CA10: variants seen among roughly 807,000 people sequenced by gnomAD.
The protein encoded by CA10 is carbonic anhydrase 10 (inactive).
In CA10, 14 loss-of-function variants were observed where a neutral mutation model predicts 44.2. The ratio of observed to expected loss-of-function variants is 0.32; its 90% CI spans 0.21 to 0.50. The LOEUF is 0.50. Among genes scored for constraint, CA10 ranks in the 20% least tolerant of loss-of-function variants. The pLI, the probability that CA10 is intolerant of heterozygous loss-of-function variation, is 0.99. For missense variants in CA10, 350 were observed against 409.7 expected (o/e 0.85, Z 1.26); for synonymous variants, 159 against 141.6 (o/e 1.12, Z -0.87).
At chr17:51,966,331 T>C (rs1041955230) in intron 2 of CA10, among the ~76,000 whole-genome samples, 1 of 151,802 alleles carries the variant, frequency 6.6e-6, no homozygotes, top group Admixed American at 6.6e-5. Flanking sequence ...CTACCAATGT[T>C]ATTTTTCACA....
At chr17:52,015,537 A>C (rs1478133627) in intron 2 of CA10, among the ~76,000 whole-genome samples, 1 of 152,116 alleles carries the variant, frequency 6.6e-6, no homozygotes, top group Non-Finnish European at 1.5e-5. Context: ...ATCCAAATTG[A>C]AAACTAAGGC....
rs534289891 is a variant in CA10 at position 51,837,357 on chromosome 17, C to T, written c.280-89539G>A. 7.2e-5 allele frequency among the ~76,000 whole-genome samples: 11 copies of T among 152,168 alleles called. No individual in the cohort carries two copies. The East Asian group carries it at 9.7e-4, about 13-fold the overall frequency. The stretch of plus-strand genomic sequence containing the variant: ...CTTCTACCAATTACAGTGGGGATGA[C>T]GTGAGGGCTGACATTTCTGAAGGTC... On this transcript the variant is annotated intron_variant, in intron 3 of 8. Transcript: ENST00000451037.
chr17:51,920,066 A>T (rs1048830792), intron 3 of CA10, among the ~76,000 whole-genome samples: 2 of 152,230 alleles, frequency 1.3e-5, no homozygotes, highest in South Asian at 4.1e-4. Context: ...GTAGGAATTC[A>T]TCTGCCTATA....
At chr17:51,849,145 T>TTATATATATACATATATGTG (rs1978630015) in intron 3 of CA10, among the ~76,000 whole-genome samples, 1 of 127,946 alleles carries the variant, frequency 7.8e-6, no homozygotes, top group African/African-American at 2.8e-5. Context: ...ACTTAGTTTT[T>TTATATATATACATATATGTG]TATATATATA....
chr17:51,911,638 G>A (rs756422018), intron 3 of CA10, among the ~76,000 whole-genome samples: 10 of 152,140 alleles, frequency 6.6e-5, no homozygotes, highest in Non-Finnish European at 1.0e-4. Context: ...GCTACAGAAG[G>A]AGTCTGAAAA....
intron 4 of CA10, among the ~76,000 whole-genome samples, chr17:51,737,070 C>A (rs759366049): frequency 6.6e-6 from 1 of 152,122 alleles, no homozygotes; most frequent in Non-Finnish European, 1.5e-5. Flanking sequence ...TGGACTTACC[C>A]AGGATCAAGC....
chr17:51,941,060 G>A (rs774664976), intron 2 of CA10, among the ~76,000 whole-genome samples: 45 of 152,128 alleles, frequency 3.0e-4, no homozygotes, highest in Non-Finnish European at 6.2e-4. Flanking sequence ...ATGGGTACTA[G>A]TTTTCCCATT....
At chr17:51,763,726 T>G (rs537646563) in intron 3 of CA10, among the ~76,000 whole-genome samples, 1 of 152,116 alleles carries the variant, frequency 6.6e-6, no homozygotes, top group East Asian at 1.9e-4. Flanking sequence ...TTTCATGAGT[T>G]CCTTTCAGTT....
At chr17:51,836,162 G>A (rs1341341670) in intron 3 of CA10, among the ~76,000 whole-genome samples, 1 of 152,298 alleles carries the variant, frequency 6.6e-6, no homozygotes, top group East Asian at 1.9e-4. Flanking sequence ...GACTGGGAAG[G>A]GACTGAGAAG....
intron 1 of CA10, among the ~76,000 whole-genome samples, chr17:52,101,098 G>T (rs978511726): frequency 1.3e-5 from 2 of 152,160 alleles, no homozygotes; most frequent in Admixed American, 1.3e-4. Context: ...AATAATGTAA[G>T]CTGATGCCAC....
intron 3 of CA10, among the ~76,000 whole-genome samples, chr17:51,783,565 C>G: frequency 6.6e-6 from 1 of 151,742 alleles, no homozygotes; most frequent in East Asian, 1.9e-4. Flanking sequence ...TTTTTCTATT[C>G]CCTATACTGA....
At chr17:52,040,958 T>G (rs755155333) in intron 2 of CA10, among the ~76,000 whole-genome samples, 2 of 151,322 alleles carry the variant, frequency 1.3e-5, no homozygotes, top group Non-Finnish European at 2.9e-5. Flanking sequence ...CTGGGAAGAG[T>G]TTGTATTCCC....
rs79645105 is a variant in CA10 at position 51,940,440 on chromosome 17, C to A, written c.137-9308G>T. ...TCCTAGGAACCCTTAAGCTGTTGGACCATTCTTGGGGGCACAAGACTGTCA... is the reference window on the plus strand; with the variant it reads ...TCCTAGGAACCCTTAAGCTGTTGGAACATTCTTGGGGGCACAAGACTGTCA... On this transcript the variant is annotated intron_variant, in intron 2 of 8. Transcript: ENST00000451037. Among the ~76,000 whole-genome samples, 1,513 of 152,144 alleles carry A rather than the reference C, an allele frequency of 9.9e-3. 20 individuals are homozygous for A. Among genetic ancestry groups the A allele is most frequent in the African/African-American group, 0.034 (1,408 of 41,514 alleles).
chr17:51,994,714 G>A (rs758650856), intron 2 of CA10, among the ~76,000 whole-genome samples: 5 of 151,964 alleles, frequency 3.3e-5, no homozygotes, highest in Non-Finnish European at 7.4e-5. Flanking sequence ...AAATACTCTT[G>A]TCAGCTTGCC....
chr17:51,968,042 G>C (rs1310507888), intron 2 of CA10, among the ~76,000 whole-genome samples: 1 of 151,756 alleles, frequency 6.6e-6, no homozygotes, highest in Non-Finnish European at 1.5e-5. Flanking sequence ...TGAGAACAGA[G>C]AGGAAAGTCA....
At chr17:51,795,015 G>T (rs8081615) in intron 3 of CA10, among the ~76,000 whole-genome samples, 3 of 152,034 alleles carry the variant, frequency 2.0e-5, no homozygotes, top group African/African-American at 7.2e-5. Context: ...CAGGAAAGAG[G>T]CTGGGTTCAC....
chr17:52,048,052 A>AT (rs1359951792), intron 2 of CA10, among the ~76,000 whole-genome samples: 1 of 151,658 alleles, frequency 6.6e-6, no homozygotes, highest in Non-Finnish European at 1.5e-5. Flanking sequence ...ATTAAAAAAA[A>AT]AAAAAACATT....
At chr17:51,944,523 A>C (rs976589290) in intron 2 of CA10, among the ~76,000 whole-genome samples, 30 of 152,322 alleles carry the variant, frequency 2.0e-4, no homozygotes, top group African/African-American at 7.0e-4. Flanking sequence ...ATAATGAAAC[A>C]CTGAAAACAA....
intron 3 of CA10, among the ~76,000 whole-genome samples, chr17:51,873,486 T>C (rs921655233): frequency 3.3e-5 from 5 of 152,162 alleles, no homozygotes; most frequent in Admixed American, 3.3e-4. Flanking sequence ...AAAAACTACA[T>C]CTCCCACACT....
Sources: allele counts gnomAD v4.1 joint callset (sites outside exome capture counted in the v4.1 genomes callset), GRCh38; gene constraint gnomAD v4.1.1; transcripts MANE v1.5; gene names NCBI Gene and HGNC (gene_info 2026-07-23, HGNC 2026-07-21).